The following KLHL18 variants were observed in gnomAD, a reference collection of about 807,000 sequenced individuals.
KLHL18 encodes the protein kelch-like protein 18.
In KLHL18, 38 loss-of-function variants were observed where a neutral mutation model predicts 58.5. The ratio of observed to expected loss-of-function variants is 0.65; its 90% CI spans 0.50 to 0.85. The LOEUF is 0.85. KLHL18 is among the 40% of genes least tolerant of loss of function. KLHL18 has a pLI of 0.00. For synonymous variants in KLHL18, 303 were observed against 301.9 expected (o/e 1.00, Z -0.04); for missense variants, 624 against 778.4 (o/e 0.80, Z 2.36).
At position 47,340,689 on chromosome 3, in the gene KLHL18, G is replaced by A. The variant is rs1704090032; in HGVS notation, c.1226+13G>A. On this transcript the variant is annotated intron_variant, in intron 8 of 9. Transcript: ENST00000232766. ...CTGAGACGGACAAGTAAGGACTCCA[G>A]CTCCCTTGGGGCAACTGGAGCTTAT... The A allele has an allele frequency of 6.2e-7, 1 of 1,613,768 alleles. No homozygotes were observed. The highest frequency in any genetic ancestry group is 8.5e-7 in the Non-Finnish European group (1 of 1,179,872).
rs181288533 is a variant in KLHL18 at position 47,308,117 on chromosome 3, C to G, written c.130-11536C>G. On this transcript the variant is annotated intron_variant, in intron 1 of 9. Coordinates refer to ENST00000232766, the MANE Select transcript of KLHL18 (RefSeq NM_025010.5). The stretch of plus-strand genomic sequence containing the variant: ...AATAAAAGTATGGATTACTACTTAT[C>G]ATGCACTTTCAGCATCCTTTGTGAC... 3.5e-3 allele frequency among the ~76,000 whole-genome samples: 537 copies of G among 152,224 alleles called. 9 individuals carry two copies. The highest frequency in any genetic ancestry group is 3.9e-3 in the Non-Finnish European group (268 of 68,026).
intron 1 of KLHL18, among the ~76,000 whole-genome samples, chr3:47,290,082 TG>T: frequency 6.6e-6 from 1 of 152,362 alleles, no homozygotes; most frequent in Middle Eastern, 3.4e-3. Context: ...TTAAGGGATT[TG>T]CCCATGGCAC....
In KLHL18 at chr3:47,345,109, C is replaced by T; in HGVS notation, c.*1168C>T. 1 of 152,552 alleles carries T rather than the reference C, an allele frequency of 6.6e-6. No individual in the cohort carries two copies. The highest frequency in any genetic ancestry group is 1.5e-5 in the Non-Finnish European group (1 of 68,106). 9.4% of individuals were successfully genotyped at this position (152,552 alleles called of 1,614,324 possible). A position where few individuals can be genotyped will look rare whatever the true frequency, so the allele number is the denominator to read the frequency against. Reference sequence around the variant, plus strand: ...TCCTTTTTTGACCAGCAGGAAACAGCAGGTCTGGCCAGATTCTCACTTGCC... The same window carrying T: ...TCCTTTTTTGACCAGCAGGAAACAGTAGGTCTGGCCAGATTCTCACTTGCC... On this transcript the variant is annotated 3_prime_UTR_variant, in exon 10 of 10. Transcript: ENST00000232766.
intron 1 of KLHL18, among the ~76,000 whole-genome samples, chr3:47,314,007 T>C (rs2107617315): frequency 2.0e-5 from 3 of 152,356 alleles, no homozygotes; most frequent in Admixed American, 2.0e-4. Flanking sequence ...GCTCAATAAA[T>C]GATCATCTCT....
At chr3:47,306,152 A>G (rs1227432901) in intron 1 of KLHL18, among the ~76,000 whole-genome samples, 2 of 151,524 alleles carry the variant, frequency 1.3e-5, no homozygotes, top group African/African-American at 2.4e-5. Flanking sequence ...TTCACTTGAG[A>G]CTTTTCTAAT....
intron 3 of KLHL18, 77 bp from the exon 4 acceptor site, chr3:47,329,874 C>A: frequency 7.6e-7 from 1 of 1,316,834 alleles, no homozygotes; most frequent in Non-Finnish European, 1.1e-6. Context: ...TGTGGCTCTA[C>A]CCAGAACCAG....
chr3:47,312,712 C>T (rs1703330091), intron 1 of KLHL18, among the ~76,000 whole-genome samples: 1 of 152,034 alleles, frequency 6.6e-6, no homozygotes, highest in African/African-American at 2.4e-5. Context: ...TCGCTTTGTG[C>T]TCCCTCCGCC....
chr3:47,299,614 C>T (rs577297607), intron 1 of KLHL18, among the ~76,000 whole-genome samples: 1 of 151,944 alleles, frequency 6.6e-6, no homozygotes, highest in East Asian at 1.9e-4. Context: ...ATTGCTTGAG[C>T]CCAGGAGTTT....
chr3:47,344,138 G>A lies in KLHL18; in HGVS notation c.*197G>A. Reference sequence around the variant, plus strand: ...ACCTTCAGGCTTGGGTCATCAAGATGCACAGCATGGAACACAAGCTCCTCT... The same window carrying A: ...ACCTTCAGGCTTGGGTCATCAAGATACACAGCATGGAACACAAGCTCCTCT... On this transcript the variant is annotated 3_prime_UTR_variant, in exon 10 of 10. Coordinates refer to ENST00000232766, the MANE Select transcript of KLHL18 (RefSeq NM_025010.5). 2 of 623,502 alleles carry A rather than the reference G, an allele frequency of 3.2e-6. No individual in the cohort carries two copies. The highest frequency in any genetic ancestry group is 4.3e-5 in the South Asian group (2 of 46,920). The allele number at this position is 623,502 out of a possible 1,614,324, so 38.6% of individuals were successfully genotyped here.
At chr3:47,299,619 G>A (rs1702969680) in intron 1 of KLHL18, among the ~76,000 whole-genome samples, 1 of 151,962 alleles carries the variant, frequency 6.6e-6, no homozygotes, top group Non-Finnish European at 1.5e-5. Flanking sequence ...TTGAGCCCAG[G>A]AGTTTGAGAC....
At chr3:47,301,272 CTCA>C (rs1426514137) in intron 1 of KLHL18, among the ~76,000 whole-genome samples, 1 of 151,728 alleles carries the variant, frequency 6.6e-6, no homozygotes, top group Non-Finnish European at 1.5e-5. Context: ...TGCTTTTGGT[CTCA>C]TGTCTGAGAA....
chr3:47,314,432 C>G (rs1438121352), intron 1 of KLHL18, among the ~76,000 whole-genome samples: 1 of 152,154 alleles, frequency 6.6e-6, no homozygotes, highest in Non-Finnish European at 1.5e-5. Context: ...GTTTTGAAAC[C>G]AGTCCAGGAC....
At chr3:47,311,381 GT>G (rs1427940552) in intron 1 of KLHL18, among the ~76,000 whole-genome samples, 2 of 152,052 alleles carry the variant, frequency 1.3e-5, no homozygotes, top group African/African-American at 4.8e-5. Flanking sequence ...CAAAGGAATA[GT>G]ATGTTCATGA....
chr3:47,291,516 A>G (rs544114529), intron 1 of KLHL18, among the ~76,000 whole-genome samples: 1 of 152,238 alleles, frequency 6.6e-6, no homozygotes, highest in South Asian at 2.1e-4. Context: ...ATATAGTTTC[A>G]GTTGCAGCTA....
chr3:47,335,370 G>A (rs1408453835), intron 6 of KLHL18, among the ~76,000 whole-genome samples: 1 of 152,148 alleles, frequency 6.6e-6, no homozygotes, highest in African/African-American at 2.4e-5. Context: ...CACCCCCTGT[G>A]AAACACACAC....
At position 47,343,651 on chromosome 3, in the gene KLHL18, A is replaced by G; in HGVS notation, c.1435A>G (p.Met479Val). The G allele has an allele frequency of 3.7e-6, 6 of 1,614,096 alleles. No homozygotes were observed. Among genetic ancestry groups the G allele is most frequent in the Non-Finnish European group, 5.1e-6 (6 of 1,180,010 alleles). The change falls in exon 10 of 10, where the codon ATG (methionine) becomes GTG (valine). Residue 479 changes from methionine to valine, a missense_variant. Coordinates refer to ENST00000232766, the MANE Select transcript of KLHL18 (RefSeq NM_025010.5). ...CGGAGCCGCCTCCCTGGGGAGCAAG[A>G]TGTTTGTCTGCGGGGGCTACGATGG... ...RHGAASLGSKMFVCGGYDGSG... is the reference protein window; with the variant it reads ...RHGAASLGSKVFVCGGYDGSG...
At chr3:47,301,756 A>G (rs1703030322) in intron 1 of KLHL18, among the ~76,000 whole-genome samples, 2 of 152,144 alleles carry the variant, frequency 1.3e-5, no homozygotes, top group South Asian at 4.2e-4. Flanking sequence ...AGGAAACCTT[A>G]CAGATAACAT....
chr3:47,342,065 G>A (rs1344433405), intron 8 of KLHL18, among the ~76,000 whole-genome samples: 1 of 151,934 alleles, frequency 6.6e-6, no homozygotes, highest in African/African-American at 2.4e-5. Flanking sequence ...CAGCCTGGGT[G>A]ACAGAGTGAG....
intron 1 of KLHL18, among the ~76,000 whole-genome samples, chr3:47,290,700 G>T (rs949642235): frequency 6.6e-6 from 1 of 152,046 alleles, no homozygotes; most frequent in South Asian, 2.1e-4. Flanking sequence ...GGGCTCAAGC[G>T]ATCCTCCTGC....
Sources: gnomAD v4.1 joint callset for allele counts (sites outside exome capture counted in the v4.1 genomes callset) on GRCh38, gnomAD v4.1.1 for gene constraint, MANE v1.5 for transcripts, NCBI Gene and HGNC (gene_info 2026-07-23, HGNC 2026-07-21) for gene names.